ABCD3: variants seen among roughly 807,000 people sequenced by gnomAD.
ABCD3 encodes ATP-binding cassette sub-family D member 3.
A neutral mutation model predicts 105.5 loss-of-function variants in ABCD3; 41 were observed. That is an observed-to-expected ratio of 0.39 (90% CI 0.30 to 0.50). The LOEUF (loss-of-function observed/expected upper bound fraction) is 0.50. ABCD3 is among the 20% of genes least tolerant of loss of function. The pLI is 0.84. For synonymous variants in ABCD3, 258 were observed against 269.0 expected, an observed-to-expected ratio of 0.96 and a Z score of 0.40; for missense variants, 622 against 806.3, an observed-to-expected ratio of 0.77 and a Z score of 2.77.
At chr1:94,427,040 A>G (rs989727958) in intron 1 of ABCD3, among the ~76,000 whole-genome samples, 1 of 152,088 alleles carries the variant, frequency 6.6e-6, no homozygotes, top group South Asian at 2.1e-4. Flanking sequence ...TTACACCACT[A>G]TAATCTTTCT....
intron 1 of ABCD3, among the ~76,000 whole-genome samples, chr1:94,437,345 T>A (rs1659945507): frequency 6.6e-6 from 1 of 152,230 alleles, no homozygotes. Flanking sequence ...CAAGCAATTT[T>A]AAGTTGAAGC....
chr1:94,446,509 C>T (rs188991879), intron 1 of ABCD3, among the ~76,000 whole-genome samples: 4 of 152,290 alleles, frequency 2.6e-5, no homozygotes, highest in African/African-American at 7.2e-5. Flanking sequence ...AAAGCAGAGC[C>T]AGGAGAGCGC....
At chr1:94,460,266 A>G (rs893327754) in intron 2 of ABCD3, among the ~76,000 whole-genome samples, 4 of 152,128 alleles carry the variant, frequency 2.6e-5, no homozygotes, top group Non-Finnish European at 5.9e-5. Flanking sequence ...CAATTCTCAC[A>G]TCTGGTATGT....
chr1:94,455,560 G>A (rs1454548494), intron 1 of ABCD3, among the ~76,000 whole-genome samples: 1 of 152,078 alleles, frequency 6.6e-6, no homozygotes, highest in East Asian at 1.9e-4. Context: ...CCCGACTTCA[G>A]GTGATCCTCC....
intron 15 of ABCD3, 45 bp downstream of exon 15, chr1:94,490,020 A>T (rs1172533674): frequency 6.6e-7 from 1 of 1,512,958 alleles, no homozygotes. Context: ...TGTTTGTTAA[A>T]CTTCATAGTA....
At chr1:94,516,928 T>C in intron 22 of ABCD3, 124 bp from the exon 23 acceptor site, 1 of 758,856 alleles carries the variant, frequency 1.3e-6, no homozygotes, top group Non-Finnish European at 2.4e-6. Context: ...GCATTCTGAT[T>C]TGTGGGATGC....
the ABCD3 span, among the ~76,000 whole-genome samples, chr1:94,393,965 C>G: frequency 6.6e-6 from 1 of 152,156 alleles, no homozygotes; most frequent in Non-Finnish European, 1.5e-5. Flanking sequence ...CACTTGCTTA[C>G]AGGATCAGAG....
At chr1:94,392,117 G>T in the ABCD3 span, among the ~76,000 whole-genome samples, 4 of 152,212 alleles carry the variant, frequency 2.6e-5, no homozygotes, top group Admixed American at 6.5e-5. Context: ...TGCCTCTGTG[G>T]TAATTAATGC....
chr1:94,448,082 A>T (rs1336944956), intron 1 of ABCD3, among the ~76,000 whole-genome samples: 4 of 152,180 alleles, frequency 2.6e-5, no homozygotes, highest in African/African-American at 9.7e-5. Flanking sequence ...AGTTTTTCCA[A>T]CTCAGCATTC....
chr1:94,387,858 A>C, the ABCD3 span, among the ~76,000 whole-genome samples: 1 of 152,168 alleles, frequency 6.6e-6, no homozygotes, highest in African/African-American at 2.4e-5. Flanking sequence ...CTGGGCAATT[A>C]ATTTTTAAAG....
At chr1:94,495,941 AAAG>A (rs1240519717) in intron 16 of ABCD3, among the ~76,000 whole-genome samples, 6 of 152,320 alleles carry the variant, frequency 3.9e-5, no homozygotes, top group East Asian at 3.9e-4. Context: ...TGTTATTTAA[AAAG>A]AAGTCTATCA....
At chr1:94,464,359 G>A (rs1339224691) in intron 2 of ABCD3, among the ~76,000 whole-genome samples, 1 of 151,844 alleles carries the variant, frequency 6.6e-6, no homozygotes, top group Non-Finnish European at 1.5e-5. Context: ...ATCAGGAAGT[G>A]GCTAATACAA....
intron 1 of ABCD3, among the ~76,000 whole-genome samples, chr1:94,441,356 A>C (rs952531996): frequency 1.3e-5 from 2 of 152,228 alleles, no homozygotes; most frequent in African/African-American, 4.8e-5. Context: ...GCAACAATAT[A>C]CTTTATTGGT....
At position 94,491,266 on chromosome 1, in the gene ABCD3, A is replaced by C; in HGVS notation, c.1386+19A>C. ...TTTTGAAGTAAGTTTTTAAATGATC[A>C]TATAAAAGCTTAAATCATCTTTAAA... On this transcript the variant is annotated intron_variant, in intron 16 of 22. Transcript: ENST00000370214. 14 of 1,570,520 alleles carry C rather than the reference A, an allele frequency of 8.9e-6. No individual in the cohort carries two copies. The highest frequency in any genetic ancestry group is 1.2e-5 in the Non-Finnish European group (14 of 1,141,516).
At chr1:94,487,466 G>T (rs1649328944) in intron 10 of ABCD3, 76 bp from the exon 11 acceptor site, 7 of 1,284,028 alleles carry the variant, frequency 5.5e-6, no homozygotes, top group Non-Finnish European at 7.8e-6. Flanking sequence ...GAACTATACA[G>T]TTTGTTTTAT....
intron 1 of ABCD3, among the ~76,000 whole-genome samples, chr1:94,428,883 G>A (rs1345424211): frequency 6.6e-6 from 1 of 152,166 alleles, no homozygotes; most frequent in Non-Finnish European, 1.5e-5. Flanking sequence ...TGAAAATGTG[G>A]AAGTGACTTT....
chr1:94,442,028 ATG>A (rs1334123517), intron 1 of ABCD3, among the ~76,000 whole-genome samples: 1 of 152,194 alleles, frequency 6.6e-6, no homozygotes. Flanking sequence ...TGTTTTTAGA[ATG>A]TAAACACTGA....
At chr1:94,495,960 ATTCT>A (rs1172459876) in intron 16 of ABCD3, among the ~76,000 whole-genome samples, 21 of 152,220 alleles carry the variant, frequency 1.4e-4, no homozygotes, top group Admixed American at 3.9e-4. Flanking sequence ...TATCAAAATG[ATTCT>A]TTATCAGAAA....
intron 17 of ABCD3, 31 bp from the exon 18 acceptor site, chr1:94,498,752 A>G (rs370494999): frequency 1.9e-6 from 3 of 1,613,520 alleles, no homozygotes; most frequent in Non-Finnish European, 2.5e-6. Context: ...AAATTTTACA[A>G]TTGTTCTTCT....
Sources: gnomAD v4.1 joint callset for allele counts (sites outside exome capture counted in the v4.1 genomes callset) on GRCh38, gnomAD v4.1.1 for gene constraint, MANE v1.5 for transcripts, NCBI Gene and HGNC (gene_info 2026-07-23, HGNC 2026-07-21) for gene names.